The following KCNIP4 variants were observed in gnomAD, a reference collection of about 807,000 sequenced individuals.
KCNIP4 encodes the protein Kv channel-interacting protein 4.
Under a neutral mutation model 34.0 loss-of-function variants are expected in KCNIP4, and 12 were observed. That is an observed-to-expected ratio of 0.35 (90% CI 0.23 to 0.57). KCNIP4 has a LOEUF of 0.57. Among genes scored for constraint, KCNIP4 ranks in the 20% least tolerant of loss-of-function variants. KCNIP4 has a pLI of 0.83. For missense variants in KCNIP4, 238 were observed against 311.7 expected (o/e 0.76, Z 1.78); for synonymous variants, 124 against 102.2 (o/e 1.21, Z -1.29).
At chr4:21,919,164 A>G (rs554526220) in intron 1 of KCNIP4, among the ~76,000 whole-genome samples, 1 of 152,276 alleles carries the variant, frequency 6.6e-6, no homozygotes, top group South Asian at 2.1e-4. Flanking sequence ...GTCCAGCAAG[A>G]TGTGTGTGCT....
At chr4:21,132,751 G>T (rs1395708335) in intron 1 of KCNIP4, among the ~76,000 whole-genome samples, 2 of 151,114 alleles carry the variant, frequency 1.3e-5, no homozygotes, top group African/African-American at 4.9e-5. Context: ...GCTCACGCCT[G>T]TAATCCTAGC....
chr4:21,803,043 C>A (rs940172835), intron 1 of KCNIP4, among the ~76,000 whole-genome samples: 1 of 152,164 alleles, frequency 6.6e-6, no homozygotes, highest in African/African-American at 2.4e-5. Flanking sequence ...CCTAGTACTT[C>A]ATTTTTGACA....
At chr4:20,803,622 C>T (rs1286503646) in intron 3 of KCNIP4, among the ~76,000 whole-genome samples, 1 of 150,466 alleles carries the variant, frequency 6.6e-6, no homozygotes, top group Non-Finnish European at 1.5e-5. Flanking sequence ...TGTGTTGCTT[C>T]ACTCCAGCCT....
chr4:21,196,918 G>C (rs1032105439), intron 1 of KCNIP4, among the ~76,000 whole-genome samples: 1 of 152,076 alleles, frequency 6.6e-6, no homozygotes, highest in African/African-American at 2.4e-5. Context: ...ATTATCAGCT[G>C]ATCATCTGTC....
intron 1 of KCNIP4, among the ~76,000 whole-genome samples, chr4:21,577,279 TGCAA>T (rs1212487074): frequency 3.3e-5 from 5 of 152,140 alleles, no homozygotes; most frequent in Admixed American, 6.5e-5. Flanking sequence ...GGCTGCAGAT[TGCAA>T]GACACCTCAT....
intron 1 of KCNIP4, among the ~76,000 whole-genome samples, chr4:21,240,125 CA>C (rs1759690584): frequency 6.8e-6 from 1 of 147,730 alleles, no homozygotes; most frequent in East Asian, 2.0e-4. Flanking sequence ...ATCGCAAAGA[CA>C]AAAAACCAAA....
intron 1 of KCNIP4, among the ~76,000 whole-genome samples, chr4:21,882,333 C>G (rs1050421255): frequency 1.3e-5 from 2 of 152,054 alleles, no homozygotes; most frequent in African/African-American, 2.4e-5. Flanking sequence ...ACACAGCATT[C>G]AAATCTGGTA....
intron 1 of KCNIP4, among the ~76,000 whole-genome samples, chr4:21,393,292 C>T (rs1385097589): frequency 1.3e-5 from 2 of 151,176 alleles, no homozygotes; most frequent in African/African-American, 2.4e-5. Flanking sequence ...TTTTTGCTTC[C>T]CTTAAGAGAA....
intron 1 of KCNIP4, among the ~76,000 whole-genome samples, chr4:21,896,920 A>G (rs914086942): frequency 3.6e-5 from 5 of 140,776 alleles, no homozygotes; most frequent in African/African-American, 2.5e-5. Flanking sequence ...TCTCAAAAAA[A>G]TACATAAATA....
chr4:20,985,357 C>A (rs1422306154), intron 1 of KCNIP4, among the ~76,000 whole-genome samples: 1 of 152,140 alleles, frequency 6.6e-6, no homozygotes, highest in Non-Finnish European at 1.5e-5. Flanking sequence ...ACTATGTGCT[C>A]ATCAATATTG....
intron 1 of KCNIP4, among the ~76,000 whole-genome samples, chr4:21,282,461 T>C (rs10027607): frequency 4.5e-5 from 1 of 22,448 alleles, no homozygotes; most frequent in Non-Finnish European, 7.3e-5. Flanking sequence ...GATGTGTGAG[T>C]GTGTGTGTGT....
chr4:21,761,485 A>G (rs1718048319), intron 1 of KCNIP4, among the ~76,000 whole-genome samples: 1 of 152,146 alleles, frequency 6.6e-6, no homozygotes. Context: ...CACTCAGTTG[A>G]ACACTATACA....
At chr4:20,977,265 T>C (rs1371957126) in intron 1 of KCNIP4, among the ~76,000 whole-genome samples, 1 of 152,196 alleles carries the variant, frequency 6.6e-6, no homozygotes, top group African/African-American at 2.4e-5. Flanking sequence ...AGTTACCCAA[T>C]CACAGCATGA....
rs116597334 is a variant in KCNIP4 at position 21,937,300 on chromosome 4, G to A, written c.61+11271C>T. 2.4e-3 allele frequency among the ~76,000 whole-genome samples: 369 copies of A among 151,904 alleles called. 1 individual carries two copies. The highest frequency in any genetic ancestry group is 8.4e-3 in the African/African-American group (347 of 41,410). On this transcript the variant is annotated intron_variant, in intron 1 of 8. Coordinates refer to ENST00000382152, the MANE Select transcript of KCNIP4 (RefSeq NM_025221.6). ...CCGCCTATATTCCTTGTCTCTCACC[G>A]CAGCACCACAAAGTATCACAGTCAC...
At chr4:21,739,610 T>A (rs1240144410) in intron 1 of KCNIP4, among the ~76,000 whole-genome samples, 1 of 152,062 alleles carries the variant, frequency 6.6e-6, no homozygotes, top group Non-Finnish European at 1.5e-5. Flanking sequence ...TTCTATATCA[T>A]AAAATAACCA....
intron 1 of KCNIP4, among the ~76,000 whole-genome samples, chr4:21,402,225 A>G (rs1343291351): frequency 6.6e-6 from 1 of 152,132 alleles, no homozygotes; most frequent in Non-Finnish European, 1.5e-5. Context: ...ATTTCCCCAA[A>G]CCTTAGTGCT....
chr4:21,173,693 G>A (rs565759353), intron 1 of KCNIP4, among the ~76,000 whole-genome samples: 4 of 152,142 alleles, frequency 2.6e-5, no homozygotes, highest in Non-Finnish European at 5.9e-5. Flanking sequence ...ACCCAAACCC[G>A]TGACAGTAGG....
At chr4:21,652,991 G>A (rs921152513) in intron 1 of KCNIP4, among the ~76,000 whole-genome samples, 2 of 152,118 alleles carry the variant, frequency 1.3e-5, no homozygotes, top group African/African-American at 4.8e-5. Context: ...AATTCAATCC[G>A]CCTGCTGGGG....
rs544782754 is a variant in KCNIP4 at position 20,732,537 on chromosome 4, T to C, written c.642+144A>G. ...CATTGTAAATTCAAAACCAAAGCTA[T>C]TAAATTAATAGGATGCTAAATACTG... On this transcript the variant is annotated intron_variant, in intron 7 of 8. Coordinates refer to ENST00000382152, the MANE Select transcript of KCNIP4 (RefSeq NM_025221.6). The C allele has an allele frequency of 1.1e-5, 7 of 660,718 alleles. No homozygotes were observed. In the East Asian group the frequency reaches 1.9e-4, roughly 18 times the overall value. The allele number at this position is 660,718 out of a possible 1,614,324, so 40.9% of individuals were successfully genotyped here. A position where few individuals can be genotyped will look rare whatever the true frequency, so the allele number is the denominator to read the frequency against.
Sources: gnomAD v4.1 joint callset for allele counts (sites outside exome capture counted in the v4.1 genomes callset) on GRCh38, gnomAD v4.1.1 for gene constraint, MANE v1.5 for transcripts, NCBI Gene and HGNC (gene_info 2026-07-23, HGNC 2026-07-21) for gene names.